KIFC3: variants seen among roughly 807,000 people sequenced by gnomAD.
KIFC3 encodes kinesin family member C3, also known as kinesin-like protein KIFC3.
In KIFC3, 60 loss-of-function variants were observed where a neutral mutation model predicts 101.8. That is an observed-to-expected ratio of 0.59 (90% CI 0.48 to 0.73). The LOEUF (loss-of-function observed/expected upper bound fraction) is 0.73. Among genes scored for constraint, KIFC3 ranks in the 30% least tolerant of loss-of-function variants. The pLI, the probability that KIFC3 is intolerant of heterozygous loss-of-function variation, is 0.00. For missense variants in KIFC3, 966 were observed against 1,137.1 expected, an observed-to-expected ratio of 0.85 and a Z score of 2.16; for synonymous variants, 476 against 482.7, an observed-to-expected ratio of 0.99 and a Z score of 0.18.
intron 2 of KIFC3, among the ~76,000 whole-genome samples, chr16:57,796,823 C>A (rs968016197): frequency 1.3e-5 from 2 of 152,172 alleles, no homozygotes; most frequent in Admixed American, 1.3e-4. Context: ...TTTTTATTTC[C>A]TTTTTGATAT....
chr16:57,815,020 G>C (rs953403451), intron 1 of KIFC3, among the ~76,000 whole-genome samples: 1 of 152,206 alleles, frequency 6.6e-6, no homozygotes, highest in Non-Finnish European at 1.5e-5. Flanking sequence ...CCAGCCTTAG[G>C]TAGGAAGGAA....
At chr16:57,785,996 C>A (rs1264596867) in intron 3 of KIFC3, among the ~76,000 whole-genome samples, 1 of 152,136 alleles carries the variant, frequency 6.6e-6, no homozygotes, top group African/African-American at 2.4e-5. Flanking sequence ...TGCAAGGAAT[C>A]GCAGCTGGGA....
intron 3 of KIFC3, chr16:57,775,892 CA>C (rs2051997812): frequency 1.0e-6 from 1 of 985,454 alleles, no homozygotes; most frequent in African/African-American, 1.7e-5. Context: ...GGCTCCTCAT[CA>C]GCCAGAGCAA....
chr16:57,776,483 T>G, intron 3 of KIFC3: 1 of 874,336 alleles, frequency 1.1e-6, no homozygotes, highest in Non-Finnish European at 1.4e-6. Context: ...GACATCCCCT[T>G]ACCTGCTGGG....
intron 3 of KIFC3, among the ~76,000 whole-genome samples, chr16:57,789,053 G>A (rs991312204): frequency 2.0e-5 from 3 of 152,178 alleles, no homozygotes; most frequent in African/African-American, 4.8e-5. Context: ...GCTTGCTTCC[G>A]GTGCGCACAC....
intron 3 of KIFC3, among the ~76,000 whole-genome samples, chr16:57,778,206 G>GGAGGCC (rs1238952767): frequency 1.9e-4 from 29 of 152,194 alleles, no homozygotes; most frequent in Admixed American, 1.9e-3. Context: ...CTTGAGCCCA[G>GGAGGCC]GAGGCCAAGG....
At chr16:57,848,506 T>C (rs954696611) in intron 1 of KIFC3, among the ~76,000 whole-genome samples, 3 of 152,200 alleles carry the variant, frequency 2.0e-5, no homozygotes, top group African/African-American at 4.8e-5. Flanking sequence ...TGCATGCCTG[T>C]AGTCCTAGCT....
In KIFC3 at chr16:57,769,592, C is replaced by A; in HGVS notation, c.1218+3G>T. 1.9e-6 allele frequency: 3 copies of A among 1,608,660 alleles called. No homozygotes were observed. The highest frequency in any genetic ancestry group is 2.2e-5 in the South Asian group (2 of 90,876). ...GACCCTCCCACCCACTGCCCTCGCT[C>A]ACCTCGGCCTTGACACTCCTGAGGG... is the stretch of plus-strand genomic sequence containing the variant. On this transcript the variant is annotated splice_donor_region_variant and intron_variant, in intron 9 of 19. Coordinates refer to ENST00000445690, the MANE Select transcript of KIFC3 (RefSeq NM_001130100.2). This position sits in a 1 kb window ranked among gnomAD's most constrained non-coding sequence, Gnocchi z 4.3.
Position 57,812,088 on chromosome 16 carries a change from C to A in KIFC3, c.109-13806G>T, listed in dbSNP as rs2055096711. Reference sequence around the variant, plus strand: ...AGACGGAGTCTCGCTGTCACCCAGGCTGGAGTGCAGTGGCGCGATCTCGGC... The same window carrying A: ...AGACGGAGTCTCGCTGTCACCCAGGATGGAGTGCAGTGGCGCGATCTCGGC... On this transcript the variant is annotated intron_variant, in intron 1 of 2. Coordinates refer to the KIFC3 transcript ENST00000563028. Among the ~76,000 whole-genome samples, 3 of 148,544 alleles carry A rather than the reference C, an allele frequency of 2.0e-5. No homozygotes were observed. In the South Asian group the frequency reaches 6.5e-4, roughly 32 times the overall value.
At position 57,760,742 on chromosome 16, in the gene KIFC3, G is replaced by T; in HGVS notation, c.2216C>A (p.Thr739Asn). 6.2e-7 allele frequency: 1 copy of T among 1,613,722 alleles called. No individual in the cohort carries two copies. The highest frequency in any genetic ancestry group is 8.5e-7 in the Non-Finnish European group (1 of 1,179,918). The change falls in exon 16 of 20, where the codon ACC (threonine) becomes AAC (asparagine). Residue 739 changes from threonine (T) to asparagine (N), a missense_variant. This residue lies in a region of KIFC3 where 689 missense variants were observed against 884.6 expected (regional missense o/e 0.78). Transcript: ENST00000445690. ...GGTCCTCACCTGTACCACCATGAGG[G>T]TCTTGCTGTCACCACTAAGCGAATC... ...LQDSLSGDSK[T>N]LMVVQVSPVE...
At chr16:57,862,822 C>G in exon 1 of KIFC3, 1 of 1,288,828 alleles carries the variant, frequency 7.8e-7, no homozygotes, top group Non-Finnish European at 1.0e-6. Context: ...TGAAAAGAAA[C>G]TCCATCTGTG....
intron 3 of KIFC3, among the ~76,000 whole-genome samples, chr16:57,792,066 A>G (rs1287938563): frequency 6.6e-6 from 1 of 152,190 alleles, no homozygotes; most frequent in Non-Finnish European, 1.5e-5. Context: ...CTTGAAGGGT[A>G]TGTGTTTCCC....
At chr16:57,768,541 A>ACAC (rs375454621) in intron 9 of KIFC3, among the ~76,000 whole-genome samples, 1 of 152,006 alleles carries the variant, frequency 6.6e-6, no homozygotes, top group Non-Finnish European at 1.5e-5. Context: ...ACACACGCAC[A>ACAC]ATTGGCTTAA....
upstream of KIFC3, among the ~76,000 whole-genome samples, chr16:57,804,582 A>T (rs1027281650): frequency 1.3e-5 from 2 of 152,162 alleles, no homozygotes; most frequent in African/African-American, 4.8e-5. Flanking sequence ...CGTAAAAACT[A>T]CTTGTTTCAT....
intron 1 of KIFC3, among the ~76,000 whole-genome samples, chr16:57,836,075 G>T (rs2055679817): frequency 6.6e-6 from 1 of 151,874 alleles, no homozygotes; most frequent in Non-Finnish European, 1.5e-5. Flanking sequence ...TGGCATTCAG[G>T]TTGCCCTTCT....
At chr16:57,851,171 C>T (rs896213645) in intron 1 of KIFC3, among the ~76,000 whole-genome samples, 50 of 152,008 alleles carry the variant, frequency 3.3e-4, no homozygotes, top group African/African-American at 1.2e-3. Context: ...TCACCACACC[C>T]GGCTAATGTT....
chr16:57,771,782 G>A, intron 4 of KIFC3, 96 bp from the exon 5 acceptor site: 4 of 1,418,982 alleles, frequency 2.8e-6, no homozygotes, highest in Non-Finnish European at 3.8e-6. Context: ...GCAGGGAAGA[G>A]AGGAGAGGTG....
Position 57,771,425 on chromosome 16 carries a change from G to T in KIFC3, c.538C>A (p.Leu180Ile), listed in dbSNP as rs985595854. Reference sequence around the variant, plus strand: ...TGCAGCTGGGACAGCTTGTCACGGAGCTGGGCGCTCTCCTGCAGCCATTGG... The same window carrying T: ...TGCAGCTGGGACAGCTTGTCACGGATCTGGGCGCTCTCCTGCAGCCATTGG... ...GCEHSQESAQ[L>I]RDKLSQLQLE... Residue 180 changes from leucine (L) to isoleucine (I), a missense_variant, in exon 6 of 20, where the codon CTC becomes ATC. Physicochemically the swap from Leu to Ile is conservative, Grantham distance 5. Coordinates refer to ENST00000445690, the MANE Select transcript of KIFC3 (RefSeq NM_001130100.2). 5 of 1,613,598 alleles carry T rather than the reference G, an allele frequency of 3.1e-6. No homozygotes were observed. In the Admixed American group the frequency reaches 8.3e-5, roughly 27 times the overall value.
At chr16:57,802,677 C>G (rs1188678725), upstream of KIFC3, 1 of 965,836 alleles carries the variant, frequency 1.0e-6, no homozygotes, top group Non-Finnish European at 1.4e-6. This position sits in a 1 kb window ranked among gnomAD's most constrained non-coding sequence, Gnocchi z 5.0. Context: ...CACTCCTTCG[C>G]GGGGCCTCCC....
Sources: allele counts gnomAD v4.1 joint callset (sites outside exome capture counted in the v4.1 genomes callset), GRCh38; gene constraint gnomAD v4.1.1; regional missense constraint gnomAD v4.1.1; non-coding constraint Gnocchi (gnomAD v3.1); transcripts MANE v1.5; gene names NCBI Gene and HGNC (gene_info 2026-07-23, HGNC 2026-07-21).